The following CEMIP variants were observed in gnomAD, a reference collection of about 807,000 sequenced individuals.
CEMIP encodes cell migration inducing hyaluronidase 1, also known as cell migration-inducing and hyaluronan-binding protein.
In CEMIP, 105 loss-of-function variants were observed where a neutral mutation model predicts 156.9. The observed-to-expected ratio is 0.67, with a 90% CI of 0.57 to 0.79. CEMIP has a LOEUF of 0.79. Ranked by LOEUF, CEMIP falls within the 30% of genes least tolerant of loss-of-function variation. CEMIP has a pLI of 0.00. For synonymous variants in CEMIP, 676 were observed against 668.4 expected (o/e 1.01, Z -0.17); for missense variants, 1,457 against 1,769.4 (o/e 0.82, Z 3.17).
intron 12 of CEMIP, among the ~76,000 whole-genome samples, chr15:80,900,650 CTGTGTGTG>C (rs1899479196): frequency 2.1e-3 from 179 of 84,596 alleles, no homozygotes; most frequent in African/African-American, 7.4e-3. Flanking sequence ...GTGTGTGTGT[CTGTGTGTG>C]TGTCTGTGTG....
rs80237394 is a variant in CEMIP, at chr15:80,930,021, G to C, written c.2612+847G>C. On this transcript the variant is annotated intron_variant, in intron 21 of 29. Coordinates refer to ENST00000394685, the MANE Select transcript of CEMIP (RefSeq NM_001293298.2). The stretch of plus-strand genomic sequence containing the variant: ...TGCTCAGGTGTGAATTCAAGCCAGA[G>C]AGCAAGGCTCTGAGCCTGTGAGCAG... Among the ~76,000 whole-genome samples, 186 of 152,358 alleles carry C rather than the reference G, an allele frequency of 1.2e-3. 12 individuals are homozygous for C. In the East Asian group the frequency reaches 0.026, roughly 21 times the overall value.
intron 26 of CEMIP, 28 bp downstream of exon 26, chr15:80,942,081 C>A: frequency 6.2e-7 from 1 of 1,601,468 alleles, no homozygotes; most frequent in Non-Finnish European, 8.5e-7. Context: ...AAGCCTAGAC[C>A]CCTTTGCCGT....
In CEMIP at chr15:80,911,834, C is replaced by A. The variant is rs145281346; in HGVS notation, c.1797+2528C>A. 3.1e-3 allele frequency among the ~76,000 whole-genome samples: 464 copies of A among 152,112 alleles called. 3 individuals carry two copies. Among genetic ancestry groups the A allele is most frequent in the African/African-American group, 0.01 (434 of 41,486 alleles). ...GAATGGCTGGTGGCAGGGGCATAGG[C>A]CTTGGGCACTCTAGGACACCCAGCA... On this transcript the variant is annotated intron_variant, in intron 14 of 29. Coordinates refer to ENST00000394685, the MANE Select transcript of CEMIP (RefSeq NM_001293298.2).
chr15:80,895,133 C>A lies in CEMIP; in HGVS notation c.1219+11C>A. On this transcript the variant is annotated intron_variant, in intron 11 of 29. Transcript: ENST00000394685. ...TCTGTGGGAAGCCTGGTAAGCAGCC[C>A]CTTGTCGGGGACACAGATGCAACTA... The A allele has an allele frequency of 6.2e-7, 1 of 1,614,102 alleles. No individual in the cohort carries two copies. Among genetic ancestry groups the A allele is most frequent in the Non-Finnish European group, 8.5e-7 (1 of 1,179,998 alleles).
At chr15:80,867,936 A>G (rs570982738) in intron 1 of CEMIP, among the ~76,000 whole-genome samples, 10 of 152,282 alleles carry the variant, frequency 6.6e-5, no homozygotes, top group Non-Finnish European at 1.3e-4. Flanking sequence ...CTTACTGGGC[A>G]ATGTCAGAGA....
chr15:80,862,811 C>G (rs974758268), intron 1 of CEMIP, among the ~76,000 whole-genome samples: 1 of 152,200 alleles, frequency 6.6e-6, no homozygotes, highest in Admixed American at 6.5e-5. Flanking sequence ...TGTAGGCACC[C>G]GTGGGGAGTC....
At chr15:80,852,043 A>G (rs2141739082) in intron 1 of CEMIP, among the ~76,000 whole-genome samples, 1 of 152,300 alleles carries the variant, frequency 6.6e-6, no homozygotes, top group African/African-American at 2.4e-5. Flanking sequence ...CAAGGGGGAC[A>G]GGTTGAGTTC....
chr15:80,799,292 G>T (rs899399010), intron 1 of CEMIP, among the ~76,000 whole-genome samples: 1 of 152,226 alleles, frequency 6.6e-6, no homozygotes. Flanking sequence ...TTGTGAGCAC[G>T]AGATCTAGGC....
At chr15:80,874,861 GA>G (rs1898417632) in intron 3 of CEMIP, among the ~76,000 whole-genome samples, 1 of 152,052 alleles carries the variant, frequency 6.6e-6, no homozygotes, top group South Asian at 2.1e-4. Context: ...TATGTCCATT[GA>G]GTTTGATGCT....
chr15:80,865,221 AC>A (rs766831184), intron 1 of CEMIP, among the ~76,000 whole-genome samples: 23 of 152,122 alleles, frequency 1.5e-4, no homozygotes, highest in Non-Finnish European at 4.4e-5. Flanking sequence ...TCGCTCTGTC[AC>A]CCAGACTGGA....
intron 1 of CEMIP, among the ~76,000 whole-genome samples, chr15:80,833,450 G>T (rs1038709990): frequency 7.2e-5 from 11 of 152,178 alleles, no homozygotes; most frequent in African/African-American, 2.7e-4. Context: ...TAAGAACTCA[G>T]AATTTACTCA....
chr15:80,870,209 C>T (rs1005243998), intron 1 of CEMIP, among the ~76,000 whole-genome samples: 2 of 152,172 alleles, frequency 1.3e-5, no homozygotes, highest in Non-Finnish European at 2.9e-5. Flanking sequence ...CCTAGGTTTG[C>T]CTAAAGCAAG....
At chr15:80,886,001 TGGACC>T (rs1234791307) in intron 7 of CEMIP, among the ~76,000 whole-genome samples, 2 of 152,186 alleles carry the variant, frequency 1.3e-5, no homozygotes, top group African/African-American at 2.4e-5. Flanking sequence ...AACTGAGACT[TGGACC>T]CTTCATTTGT....
At chr15:80,899,275 C>T (rs1423792978) in intron 12 of CEMIP, among the ~76,000 whole-genome samples, 1 of 151,628 alleles carries the variant, frequency 6.6e-6, no homozygotes, top group Admixed American at 6.6e-5. Context: ...AGGCAATGTG[C>T]CAGGCTTGTA....
At position 80,909,193 on chromosome 15, in the gene CEMIP, GCCGGT is replaced by G; in HGVS notation, c.1685_1689del (p.Ala562GlyfsTer9). 1 of 1,614,112 alleles carries G rather than the reference GCCGGT, an allele frequency of 6.2e-7. No homozygotes were observed. Among genetic ancestry groups the G allele is most frequent in the Non-Finnish European group, 8.5e-7 (1 of 1,180,010 alleles). On this transcript the variant is annotated frameshift_variant, in exon 14 of 30. Transcript: ENST00000394685. LOFTEE classifies it high-confidence loss of function. ...TCAGTACCCGATTCACTTCCACCTGGCCGGTGATGTAGACGAAAGGGGAGGTTATG... is the reference window on the plus strand; with the variant it reads ...TCAGTACCCGATTCACTTCCACCTGGGATGTAGACGAAAGGGGAGGTTATG...
intron 19 of CEMIP, among the ~76,000 whole-genome samples, chr15:80,926,827 G>GGA: frequency 1.6e-5 from 2 of 123,754 alleles, no homozygotes; most frequent in Middle Eastern, 7.8e-3. Flanking sequence ...GGTGGGGGGG[G>GGA]GGGGTCTTCT....
At chr15:80,895,726 G>C in intron 11 of CEMIP, 143 bp from the exon 12 acceptor site, 1 of 753,274 alleles carries the variant, frequency 1.3e-6, no homozygotes. Flanking sequence ...ACCAAGAGTG[G>C]GATGGAGCAA....
rs1399974383 is a variant in CEMIP, at chr15:80,950,360, C to CT, written c.*1437dup. 6.6e-6 allele frequency: 1 copy of CT among 152,342 alleles called. No homozygotes were observed. Among genetic ancestry groups the CT allele is most frequent in the Non-Finnish European group, 1.5e-5 (1 of 68,128 alleles). The allele number at this position is 152,342 out of a possible 1,614,324, so 9.4% of individuals were successfully genotyped here. A position where few individuals can be genotyped will look rare whatever the true frequency, so the allele number is the denominator to read the frequency against. On this transcript the variant is annotated 3_prime_UTR_variant, in exon 30 of 30. Coordinates refer to ENST00000394685, the MANE Select transcript of CEMIP (RefSeq NM_001293298.2). ...CCGGCCCCAGAGTGCCCAGGCACTC[C>CT]TGAGGTAGCTTCTGGAAATGGGGAC...
At chr15:80,826,042 A>G (rs1897030068) in intron 1 of CEMIP, among the ~76,000 whole-genome samples, 1 of 152,184 alleles carries the variant, frequency 6.6e-6, no homozygotes, top group African/African-American at 2.4e-5. Context: ...CACCATCTGC[A>G]CGTCTTTCTT....
Sources: allele counts gnomAD v4.1 joint callset (sites outside exome capture counted in the v4.1 genomes callset), GRCh38; gene constraint gnomAD v4.1.1; transcripts MANE v1.5; gene names NCBI Gene and HGNC (gene_info 2026-07-23, HGNC 2026-07-21).